The following TDRD5 variants were observed in gnomAD, a reference collection of about 807,000 sequenced individuals.
The protein encoded by TDRD5 is tudor domain-containing protein 5.
A neutral mutation model predicts 120.6 loss-of-function variants in TDRD5; 41 were observed. That is an observed-to-expected ratio of 0.34 (90% confidence interval 0.26 to 0.44). The LOEUF is 0.44. TDRD5 is among the 20% of genes least tolerant of loss of function. The pLI, the probability that TDRD5 is intolerant of heterozygous loss-of-function variation, is 1.00. For missense variants in TDRD5, 1,006 were observed against 1,221.2 expected (o/e 0.82, Z 2.63); for synonymous variants, 430 against 433.7 (o/e 0.99, Z 0.11).
chr1:179,637,116 T>C (rs550352091), intron 9 of TDRD5, among the ~76,000 whole-genome samples: 21 of 152,366 alleles, frequency 1.4e-4, no homozygotes, highest in Middle Eastern at 3.4e-3. Context: ...TAAATTGTTG[T>C]CATAGAAGAA....
chr1:179,640,533 A>C (rs1348392675), intron 11 of TDRD5, 88 bp downstream of exon 11: 5 of 1,362,916 alleles, frequency 3.7e-6, no homozygotes, highest in Non-Finnish European at 5.2e-6. Flanking sequence ...GGATATGAAG[A>C]TAAAACGTAG....
intron 14 of TDRD5, among the ~76,000 whole-genome samples, chr1:179,660,194 C>T (rs962710279): frequency 1.5e-5 from 2 of 136,568 alleles, no homozygotes; most frequent in African/African-American, 5.4e-5. Context: ...TTTTAGTATT[C>T]CATTTTATCT....
intron 4 of TDRD5, among the ~76,000 whole-genome samples, chr1:179,611,223 G>A (rs757291918): frequency 1.3e-5 from 2 of 151,804 alleles, no homozygotes; most frequent in Non-Finnish European, 2.9e-5. Flanking sequence ...GCTAATTTTG[G>A]TATTTTTTGG....
At chr1:179,673,919 G>A (rs1441752754) in intron 17 of TDRD5, among the ~76,000 whole-genome samples, 1 of 152,186 alleles carries the variant, frequency 6.6e-6, no homozygotes, top group African/African-American at 2.4e-5. Flanking sequence ...AAACTTTGCT[G>A]AATTCATTTA....
Position 179,635,770 on chromosome 1 carries a change from A to G in TDRD5, c.1403A>G (p.Asp468Gly). The G allele has an allele frequency of 6.2e-7, 1 of 1,614,098 alleles. No individual in the cohort carries two copies. Residue 468 changes from aspartate (D) to glycine (G), a missense_variant, in exon 9 of 18, where the codon GAC becomes GGC. By Grantham distance (94) the Asp-to-Gly change is moderately conservative. This residue lies in a region of TDRD5 where 158 missense variants were observed against 257.5 expected (regional missense o/e 0.61). Transcript: ENST00000444136. ...NKKLCRLPPL[D>G]TSSLIGVFVE... ...AAATTATGCAGACTCCCACCATTAG[A>G]CACCAGTTCCCTCATAGGGGTCTTT...
At position 179,623,625 on chromosome 1, in the gene TDRD5, C is replaced by CTTTTTTTTTTTTTTTTTTTTT. The variant is rs11428251; in HGVS notation, c.972+2536_972+2556dup. ...AGCAGAGAATATTCTCCAACTCATTCTTTTTTTTTTTTTTTTTTTTTTCCT... is the reference window on the plus strand; with the variant it reads ...AGCAGAGAATATTCTCCAACTCATTCTTTTTTTTTTTTTTTTTTTTTTTTTTTTTTTTTTTTTTTTTTTCCT... On this transcript the variant is annotated intron_variant, in intron 6 of 17. Transcript: ENST00000444136. Among the ~76,000 whole-genome samples the CTTTTTTTTTTTTTTTTTTTTT allele has an allele frequency of 3.1e-5, 3 of 97,908 alleles. 1 individual carries two copies. The highest frequency in any genetic ancestry group is 1.4e-4 in the Admixed American group (1 of 7,032). 64.2% of individuals were successfully genotyped at this position (97,908 alleles called of 152,430 possible).
chr1:179,593,592 C>G lies in TDRD5; in HGVS notation c.365C>G (p.Pro122Arg), dbSNP rs2101901062. ...GGACCGAGATCTCATCGGCGAGTAC[C>G]TTACCGAGGAAGGGTTGCCCCTATT... ...YSGPRSHRRV[P>R]YRGRVAPILP... is the part of the protein sequence containing the mutation. Residue 122 changes from proline (P) to arginine (R), a missense_variant, in exon 3 of 18, where the codon CCT becomes CGT. Pro to Arg is a moderately radical substitution (Grantham distance 103). Transcript: ENST00000444136. 6.2e-7 allele frequency: 1 copy of G among 1,614,226 alleles called. No individual in the cohort carries two copies. Among genetic ancestry groups the G allele is most frequent in the African/African-American group, 1.3e-5 (1 of 75,058 alleles).
At chr1:179,618,197 C>T (rs1485958376) in intron 4 of TDRD5, among the ~76,000 whole-genome samples, 8 of 152,162 alleles carry the variant, frequency 5.3e-5, no homozygotes, top group Non-Finnish European at 5.9e-5. Flanking sequence ...GTTGTCCCAC[C>T]GTCCAGGGAC....
intron 13 of TDRD5, 60 bp downstream of exon 13, chr1:179,652,257 T>A (rs77092742): frequency 1.4e-6 from 2 of 1,481,316 alleles, no homozygotes; most frequent in East Asian, 2.5e-5. Flanking sequence ...CTCATTTTTT[T>A]AGATGAAGAA....
intron 14 of TDRD5, among the ~76,000 whole-genome samples, chr1:179,656,694 G>A (rs1329736153): frequency 6.6e-6 from 1 of 152,164 alleles, no homozygotes; most frequent in Non-Finnish European, 1.5e-5. Flanking sequence ...TGACCTATAT[G>A]TTTGTCTCTT....
intron 4 of TDRD5, among the ~76,000 whole-genome samples, chr1:179,601,833 T>C (rs1256138398): frequency 2.0e-5 from 3 of 152,112 alleles, no homozygotes; most frequent in African/African-American, 7.2e-5. Context: ...TGAGATGGAG[T>C]CTTGCTCTGT....
chr1:179,641,494 C>T (rs1365490237), intron 11 of TDRD5, among the ~76,000 whole-genome samples: 1 of 151,428 alleles, frequency 6.6e-6, no homozygotes, highest in African/African-American at 2.4e-5. Flanking sequence ...TGCGCCGCTG[C>T]ACTCCAGCCA....
chr1:179,666,905 G>T (rs374652665), intron 16 of TDRD5, among the ~76,000 whole-genome samples: 1 of 152,196 alleles, frequency 6.6e-6, no homozygotes, highest in Non-Finnish European at 1.5e-5. Context: ...TCATGAACAT[G>T]TTTGTTGAGA....
At chr1:179,592,330 G>A (rs1675151779) in intron 1 of TDRD5, 3 of 368,024 alleles carry the variant, frequency 8.2e-6, no homozygotes, top group Non-Finnish European at 1.5e-5. Context: ...GGAAGTTTGC[G>A]TTGGAGTCCA....
chr1:179,684,161 T>C (rs1365475360), intron 17 of TDRD5, among the ~76,000 whole-genome samples: 2 of 152,178 alleles, frequency 1.3e-5, no homozygotes, highest in Non-Finnish European at 2.9e-5. Context: ...ACTCGTCATT[T>C]ACATTAGGTA....
At chr1:179,598,086 A>G (rs1186651638) in intron 4 of TDRD5, among the ~76,000 whole-genome samples, 1 of 152,230 alleles carries the variant, frequency 6.6e-6, no homozygotes, top group Non-Finnish European at 1.5e-5. Context: ...CCTAGGCTAT[A>G]TGGTATAGCC....
intron 9 of TDRD5, among the ~76,000 whole-genome samples, chr1:179,637,905 C>G (rs1363680742): frequency 6.6e-6 from 1 of 152,148 alleles, no homozygotes; most frequent in Non-Finnish European, 1.5e-5. Flanking sequence ...GAAAGCTTCA[C>G]AAAAGAGATA....
chr1:179,645,108 C>T (rs182094610), intron 11 of TDRD5, among the ~76,000 whole-genome samples: 1,522 of 104,938 alleles, frequency 0.015, 29 homozygotes, highest in African/African-American at 0.052. Flanking sequence ...TTTTTTGAGA[C>T]GGAGTCTCGC....
intron 5 of TDRD5, 77 bp from the exon 6 acceptor site, chr1:179,620,957 AT>A: frequency 8.8e-7 from 1 of 1,135,928 alleles, no homozygotes; most frequent in South Asian, 1.6e-5. Context: ...CTTTGTTGTT[AT>A]TTGTTTATAT....
Sources: gnomAD v4.1 joint callset for allele counts (sites outside exome capture counted in the v4.1 genomes callset) on GRCh38, gnomAD v4.1.1 for gene constraint, gnomAD v4.1.1 regional missense constraint, MANE v1.5 for transcripts, NCBI Gene and HGNC (gene_info 2026-07-23, HGNC 2026-07-21) for gene names.